Variants in ASTN2 observed in about 807,000 individuals in gnomAD.
The protein encoded by ASTN2 is astrotactin-2.
In ASTN2, 54 loss-of-function variants were observed where a neutral mutation model predicts 139.8. The ratio of observed to expected loss-of-function variants is 0.39; its 90% CI spans 0.31 to 0.48. ASTN2 has a LOEUF of 0.48. ASTN2 is among the 20% of genes least tolerant of loss of function. The probability of loss-of-function intolerance (pLI) is 0.95; values close to 1 mark genes in which losing one functional copy is unlikely to be tolerated. For missense variants in ASTN2, 1,565 were observed against 1,725.1 expected (o/e 0.91, Z 1.64); for synonymous variants, 756 against 719.5 (o/e 1.05, Z -0.81).
chr9:116,479,577 G>A (rs1440515120), intron 20 of ASTN2, among the ~76,000 whole-genome samples: 1 of 152,208 alleles, frequency 6.6e-6, no homozygotes, highest in East Asian at 1.9e-4. Flanking sequence ...GCAGATGAGA[G>A]CTGGGAAATC....
chr9:117,240,005 A>T (rs1833159460), intron 2 of ASTN2, among the ~76,000 whole-genome samples: 1 of 152,220 alleles, frequency 6.6e-6, no homozygotes, highest in African/African-American at 2.4e-5. Flanking sequence ...TTTATGTCAA[A>T]AACATCATAA....
intron 10 of ASTN2, among the ~76,000 whole-genome samples, chr9:116,864,396 T>C (rs990227329): frequency 5.3e-5 from 8 of 152,238 alleles, no homozygotes; most frequent in Admixed American, 3.3e-4. Flanking sequence ...GCAACAGTTG[T>C]TGGAAAGGTC....
chr9:117,015,182 A>G (rs771231917), intron 6 of ASTN2, among the ~76,000 whole-genome samples: 2 of 151,830 alleles, frequency 1.3e-5, no homozygotes, highest in African/African-American at 2.4e-5. Context: ...ACACCTGACT[A>G]ATTTTTTGTG....
chr9:116,666,847 A>G (rs1352513127), intron 16 of ASTN2, among the ~76,000 whole-genome samples: 4 of 152,178 alleles, frequency 2.6e-5, no homozygotes, highest in South Asian at 2.1e-4. Flanking sequence ...TCTTCAACAA[A>G]TAACAGCATG....
intron 1 of ASTN2, among the ~76,000 whole-genome samples, chr9:117,304,446 C>G (rs978998635): frequency 1.3e-5 from 2 of 152,164 alleles, no homozygotes; most frequent in African/African-American, 4.8e-5. Context: ...TCCCTAACAC[C>G]TAGCTCAGAG....
intron 3 of ASTN2, among the ~76,000 whole-genome samples, chr9:117,155,272 G>T (rs535467714): frequency 6.6e-6 from 1 of 152,068 alleles, no homozygotes; most frequent in Admixed American, 6.6e-5. Flanking sequence ...TTCCCAAACA[G>T]CAGCCAAAAA....
intron 19 of ASTN2, among the ~76,000 whole-genome samples, chr9:116,503,647 T>C (rs62575439): frequency 0.15 from 22,132 of 152,090 alleles, 1,753 homozygotes; most frequent in Middle Eastern, 0.2. Flanking sequence ...ACATAATATA[T>C]ACACACACAT....
At chr9:117,112,695 G>A (rs1396204321) in intron 4 of ASTN2, among the ~76,000 whole-genome samples, 1 of 151,948 alleles carries the variant, frequency 6.6e-6, no homozygotes, top group Non-Finnish European at 1.5e-5. Flanking sequence ...TTGACCTTGG[G>A]GTAGGCAAAG....
intron 13 of ASTN2, among the ~76,000 whole-genome samples, chr9:116,795,527 T>C (rs960149428): frequency 6.6e-6 from 1 of 152,212 alleles, no homozygotes; most frequent in Non-Finnish European, 1.5e-5. Flanking sequence ...TCCACACTGC[T>C]AGCTGAGCTG....
At chr9:117,286,437 C>T (rs765258850) in intron 2 of ASTN2, among the ~76,000 whole-genome samples, 2 of 150,718 alleles carry the variant, frequency 1.3e-5, no homozygotes, top group African/African-American at 4.9e-5. Context: ...CTGCAAGCTC[C>T]GCCTCCTGCC....
intron 7 of ASTN2, among the ~76,000 whole-genome samples, chr9:116,984,398 T>C (rs138366795): frequency 6.6e-6 from 1 of 152,380 alleles, no homozygotes; most frequent in African/African-American, 2.4e-5. Context: ...CTTTCATTAC[T>C]GGCCCAGCCA....
At chr9:116,863,199 A>C (rs1413661764) in intron 11 of ASTN2, among the ~76,000 whole-genome samples, 4 of 152,122 alleles carry the variant, frequency 2.6e-5, no homozygotes, top group African/African-American at 9.7e-5. Flanking sequence ...CTTCCGGACC[A>C]CACCAAAGCA....
chr9:117,265,179 G>A (rs1338720262), intron 2 of ASTN2, among the ~76,000 whole-genome samples: 1 of 152,138 alleles, frequency 6.6e-6, no homozygotes, highest in African/African-American at 2.4e-5. Flanking sequence ...AGTGATTTCA[G>A]AAATAACTAT....
At chr9:116,632,334 T>A (rs368682762) in intron 17 of ASTN2, among the ~76,000 whole-genome samples, 4 of 146,878 alleles carry the variant, frequency 2.7e-5, no homozygotes, top group South Asian at 2.2e-4. Context: ...TCAATAATAA[T>A]AAAAAAAAAA....
intron 17 of ASTN2, among the ~76,000 whole-genome samples, chr9:116,647,724 T>C (rs1286200827): frequency 1.3e-5 from 2 of 152,176 alleles, no homozygotes; most frequent in Non-Finnish European, 1.5e-5. Context: ...AACAGGGATA[T>C]TCACAGGCTC....
intron 1 of ASTN2, among the ~76,000 whole-genome samples, chr9:117,341,397 C>T (rs1029639002): frequency 2.0e-5 from 3 of 152,060 alleles, no homozygotes; most frequent in Non-Finnish European, 4.4e-5. Flanking sequence ...GACACAGCCT[C>T]TAAGCTAGGG....
At chr9:116,563,412 T>TA (rs930126433) in intron 19 of ASTN2, among the ~76,000 whole-genome samples, 1 of 145,554 alleles carries the variant, frequency 6.9e-6, no homozygotes, top group African/African-American at 2.6e-5. Context: ...AAAATAAAAA[T>TA]AAAAAAATTA....
At chr9:116,878,789 G>GA (rs982391219) in intron 10 of ASTN2, among the ~76,000 whole-genome samples, 3 of 150,878 alleles carry the variant, frequency 2.0e-5, no homozygotes, top group Admixed American at 6.6e-5. Context: ...TTTTGAAAAA[G>GA]AAAAAAAAGT....
At chr9:117,152,544 T>C (rs1009691383) in intron 3 of ASTN2, among the ~76,000 whole-genome samples, 7 of 152,208 alleles carry the variant, frequency 4.6e-5, no homozygotes, top group African/African-American at 1.7e-4. Flanking sequence ...TGCTCTTTCA[T>C]GCTTATCAAG....
Sources: allele counts gnomAD v4.1 joint callset (sites outside exome capture counted in the v4.1 genomes callset), GRCh38; gene constraint gnomAD v4.1.1; transcripts MANE v1.5; gene names NCBI Gene and HGNC (gene_info 2026-07-23, HGNC 2026-07-21).